The following SPTLC1 variants were observed in gnomAD, a reference collection of about 807,000 sequenced individuals.
SPTLC1 encodes serine palmitoyltransferase 1.
In SPTLC1, 55 loss-of-function variants were observed where a neutral mutation model predicts 68.9. That is an observed-to-expected ratio of 0.80 (90% CI 0.64 to 1.00). The LOEUF (loss-of-function observed/expected upper bound fraction) is 1.00, where lower values mean the gene tolerates loss of function less well. SPTLC1 is among the 50% of genes least tolerant of loss of function. The pLI is 0.00. For synonymous variants in SPTLC1, 197 were observed against 201.6 expected, an observed-to-expected ratio of 0.98 and a Z score of 0.19; for missense variants, 449 against 573.1, an observed-to-expected ratio of 0.78 and a Z score of 2.21.
intron 8 of SPTLC1, among the ~76,000 whole-genome samples, chr9:92,051,776 G>A (rs1025017581): frequency 2.6e-5 from 4 of 152,112 alleles, no homozygotes; most frequent in African/African-American, 9.7e-5. Flanking sequence ...TTATGCAAAA[G>A]CAATACACAA....
At chr9:92,086,194 C>T (rs1488487357) in intron 3 of SPTLC1, among the ~76,000 whole-genome samples, 2 of 151,990 alleles carry the variant, frequency 1.3e-5, no homozygotes, top group Non-Finnish European at 2.9e-5. Flanking sequence ...GACTCTTTAT[C>T]CAATTTGCCA....
chr9:92,114,554 G>C (rs1836367319), intron 1 of SPTLC1, among the ~76,000 whole-genome samples: 1 of 152,064 alleles, frequency 6.6e-6, no homozygotes, highest in Non-Finnish European at 1.5e-5. Context: ...TGACCAACAT[G>C]CAGAAACCCC....
chr9:92,085,778 T>C (rs1434190817), intron 3 of SPTLC1, among the ~76,000 whole-genome samples: 1 of 152,180 alleles, frequency 6.6e-6, no homozygotes, highest in Non-Finnish European at 1.5e-5. Flanking sequence ...CAGAGCTCAG[T>C]TCAATTCCTG....
chr9:92,040,478 A>G (rs1201564859), intron 12 of SPTLC1, among the ~76,000 whole-genome samples: 1 of 152,156 alleles, frequency 6.6e-6, no homozygotes, highest in Non-Finnish European at 1.5e-5. Context: ...CTCAAGAAAT[A>G]CAAGGCGCGA....
chr9:92,084,406 G>T (rs1257467144), intron 3 of SPTLC1, among the ~76,000 whole-genome samples: 1 of 152,174 alleles, frequency 6.6e-6, no homozygotes, highest in African/African-American at 2.4e-5. Context: ...ATTATTTTGA[G>T]ATACGTCCCA....
At chr9:92,038,875 C>T (rs1381226805) in intron 12 of SPTLC1, among the ~76,000 whole-genome samples, 2 of 152,230 alleles carry the variant, frequency 1.3e-5, no homozygotes, top group African/African-American at 4.8e-5. Flanking sequence ...TGTTATGCTT[C>T]CTTGCTTATT....
chr9:92,046,251 C>T, intron 11 of SPTLC1, 198 bp from the exon 12 acceptor site: 2 of 598,348 alleles, frequency 3.3e-6, no homozygotes, highest in Non-Finnish European at 5.9e-6. Flanking sequence ...CCCTTCTCAC[C>T]TCAGTATCCC....
At chr9:92,066,799 T>G (rs940585294) in intron 6 of SPTLC1, among the ~76,000 whole-genome samples, 3 of 151,092 alleles carry the variant, frequency 2.0e-5, no homozygotes, top group Admixed American at 2.0e-4. Context: ...GCCAACATGG[T>G]GAAACCCCAT....
At chr9:92,038,952 C>A (rs372661455) in intron 12 of SPTLC1, among the ~76,000 whole-genome samples, 1 of 152,176 alleles carries the variant, frequency 6.6e-6, no homozygotes, top group Non-Finnish European at 1.5e-5. Flanking sequence ...CAACATTATA[C>A]CCCATCTCTA....
chr9:92,067,010 A>G (rs907672326), intron 6 of SPTLC1, among the ~76,000 whole-genome samples: 1 of 151,764 alleles, frequency 6.6e-6, no homozygotes, highest in Non-Finnish European at 1.5e-5. Context: ...AATAAAAATA[A>G]AAAAAGGCCA....
At chr9:92,081,061 C>A (rs1464762065) in intron 3 of SPTLC1, 98 bp from the exon 4 acceptor site, 1 of 880,868 alleles carries the variant, frequency 1.1e-6, no homozygotes, top group South Asian at 1.4e-5. Context: ...TGTTGTCATC[C>A]TACCCTATTT....
At chr9:92,075,805 C>G (rs1834663572) in intron 5 of SPTLC1, among the ~76,000 whole-genome samples, 1 of 152,180 alleles carries the variant, frequency 6.6e-6, no homozygotes, top group South Asian at 2.1e-4. Context: ...TCATGGGGAC[C>G]ATTGCCTTTG....
At chr9:92,072,996 G>A (rs1834552574) in intron 5 of SPTLC1, among the ~76,000 whole-genome samples, 1 of 146,172 alleles carries the variant, frequency 6.8e-6, no homozygotes, top group African/African-American at 2.6e-5. Flanking sequence ...TTCCCCCTCA[G>A]AACCGAGTTC....
At chr9:92,095,341 A>G (rs1197507823) in intron 3 of SPTLC1, among the ~76,000 whole-genome samples, 3 of 152,216 alleles carry the variant, frequency 2.0e-5, no homozygotes, top group East Asian at 1.9e-4. Context: ...AGGCAGGCAT[A>G]TATCAGTATC....
At chr9:92,080,835 G>GT in intron 4 of SPTLC1, 35 bp downstream of exon 4, 3 of 1,499,944 alleles carry the variant, frequency 2.0e-6, no homozygotes, top group Non-Finnish European at 2.8e-6. Flanking sequence ...AATCAGTAAT[G>GT]TTATCTGTCC....
chr9:92,061,736 T>C (rs565567365), intron 6 of SPTLC1, among the ~76,000 whole-genome samples: 1 of 152,216 alleles, frequency 6.6e-6, no homozygotes, highest in South Asian at 2.1e-4. Flanking sequence ...AATAAAGGAA[T>C]GTAAAGGAAG....
At chr9:92,060,907 T>A (rs1348677534) in intron 6 of SPTLC1, among the ~76,000 whole-genome samples, 1 of 129,870 alleles carries the variant, frequency 7.7e-6, no homozygotes. Flanking sequence ...AGCGAGACTC[T>A]GTCTCAAAAA....
At chr9:92,067,542 T>C (rs973663087) in intron 6 of SPTLC1, among the ~76,000 whole-genome samples, 11 of 152,170 alleles carry the variant, frequency 7.2e-5, no homozygotes, top group African/African-American at 2.7e-4. Flanking sequence ...GTCAAAGAAG[T>C]GTCCAAGTCA....
At chr9:92,046,790 A>G (rs1833528407) in intron 11 of SPTLC1, among the ~76,000 whole-genome samples, 1 of 152,238 alleles carries the variant, frequency 6.6e-6, no homozygotes, top group African/African-American at 2.4e-5. Context: ...CAATATTTAT[A>G]AAATTGCACA....
Sources: gnomAD v4.1 joint callset for allele counts (sites outside exome capture counted in the v4.1 genomes callset) on GRCh38, gnomAD v4.1.1 for gene constraint, MANE v1.5 for transcripts, NCBI Gene and HGNC (gene_info 2026-07-23, HGNC 2026-07-21) for gene names.